Variants in ABCG2 observed in about 807,000 individuals in gnomAD.
ABCG2 encodes the protein broad substrate specificity ATP-binding cassette transporter ABCG2.
In ABCG2, 80 loss-of-function variants were observed where a neutral mutation model predicts 73.5. The observed-to-expected ratio is 1.09, with a 90% confidence interval of 0.91 to 1.31. The LOEUF (loss-of-function observed/expected upper bound fraction) is 1.31, where lower values mean the gene tolerates loss of function less well. ABCG2 is among the 50% of genes most tolerant of loss of function. The pLI, the probability that ABCG2 is intolerant of heterozygous loss-of-function variation, is 0.00. For synonymous variants in ABCG2, 269 were observed against 282.4 expected, an observed-to-expected ratio of 0.95 and a Z score of 0.48; for missense variants, 796 against 786.2, an observed-to-expected ratio of 1.01 and a Z score of -0.15.
rs568973129 is a variant in ABCG2, at chr4:88,136,858, T to C, written c.203+2935A>G. Among the ~76,000 whole-genome samples, 25 of 151,322 alleles carry C rather than the reference T, an allele frequency of 1.7e-4. No individual in the cohort carries two copies. In the East Asian group the frequency reaches 3.7e-3, roughly 23 times the overall value. ...TGATGAAACCCCGTCTTTACTAAGATACAAAAAATTAGCTGGGCATGGTGG... is the reference window on the plus strand; with the variant it reads ...TGATGAAACCCCGTCTTTACTAAGACACAAAAAATTAGCTGGGCATGGTGG... On this transcript the variant is annotated intron_variant, in intron 2 of 15. Transcript: ENST00000237612.
chr4:88,133,793 T>C (rs1725060813), intron 2 of ABCG2, among the ~76,000 whole-genome samples: 1 of 151,416 alleles, frequency 6.6e-6, no homozygotes, highest in Non-Finnish European at 1.5e-5. Flanking sequence ...AGGTCAGGAG[T>C]TCTAGACCAG....
chr4:88,112,116 T>A (rs866670529), intron 9 of ABCG2, among the ~76,000 whole-genome samples: 1 of 150,480 alleles, frequency 6.6e-6, no homozygotes, highest in Non-Finnish European at 1.5e-5. Context: ...AAGAAAAGAA[T>A]AACAAAAACC....
Position 88,158,635 on chromosome 4 carries a change from G to A in ABCG2, c.-269C>T. 2.2e-6 allele frequency: 1 copy of A among 456,272 alleles called. No individual in the cohort carries two copies. Among genetic ancestry groups the A allele is most frequent in the South Asian group, 1.5e-5 (1 of 64,564 alleles). 28.3% of individuals were successfully genotyped at this position (456,272 alleles called of 1,614,324 possible). A position where few individuals can be genotyped will look rare whatever the true frequency, so the allele number is the denominator to read the frequency against. On this transcript the variant is annotated 5_prime_UTR_variant, in exon 1 of 16. Transcript: ENST00000237612. ...CTCTCAATCTCAGTGGGAGTGGCGG[G>A]CACTGCCTCTTCCCTCCTGCGCGCC...
intron 12 of ABCG2, among the ~76,000 whole-genome samples, chr4:88,098,685 T>TAGATAGATAGAC (rs1273271669): frequency 3.9e-3 from 597 of 151,610 alleles, no homozygotes; most frequent in Non-Finnish European, 4.7e-3. Context: ...GATAGATAGA[T>TAGATAGATAGAC]AGACAGATAG....
At chr4:88,151,102 A>G (rs1560717408) in intron 1 of ABCG2, among the ~76,000 whole-genome samples, 1 of 152,224 alleles carries the variant, frequency 6.6e-6, no homozygotes, top group Non-Finnish European at 1.5e-5. Context: ...ATTTAAATAA[A>G]AGGAGTAGTG....
chr4:88,143,137 T>C (rs181533516), intron 1 of ABCG2, among the ~76,000 whole-genome samples: 8 of 152,318 alleles, frequency 5.3e-5, no homozygotes, highest in African/African-American at 1.9e-4. Flanking sequence ...GTGTACATTA[T>C]ATGCAAATAC....
At chr4:88,189,299 G>A (rs1399291833) in intron 1 of ABCG2, among the ~76,000 whole-genome samples, 1 of 152,048 alleles carries the variant, frequency 6.6e-6, no homozygotes, top group Non-Finnish European at 1.5e-5. Flanking sequence ...CAAGAAGGGA[G>A]GATCAAGAGC....
intron 1 of ABCG2, among the ~76,000 whole-genome samples, chr4:88,203,878 A>AT (rs33984901): frequency 2.7e-5 from 4 of 150,788 alleles, no homozygotes; most frequent in African/African-American, 4.9e-5. Context: ...GTGGCACAAT[A>AT]TTTTTTTTTT....
chr4:88,147,725 G>A (rs906050137), intron 1 of ABCG2, among the ~76,000 whole-genome samples: 1 of 152,156 alleles, frequency 6.6e-6, no homozygotes, highest in African/African-American at 2.4e-5. Flanking sequence ...CCATGTTAAG[G>A]AGTAGATTTT....
intron 1 of ABCG2, among the ~76,000 whole-genome samples, chr4:88,171,444 A>C (rs1375706366): frequency 6.6e-6 from 1 of 150,580 alleles, no homozygotes; most frequent in Non-Finnish European, 1.5e-5. Flanking sequence ...GAATTTACAG[A>C]AGCTGGTGAC....
intron 15 of ABCG2, among the ~76,000 whole-genome samples, chr4:88,094,132 T>C (rs1353632552): frequency 6.6e-6 from 1 of 152,214 alleles, no homozygotes; most frequent in Non-Finnish European, 1.5e-5. Flanking sequence ...GCCTATTTCA[T>C]TCTTACTACT....
At position 88,132,427 on chromosome 4, in the gene ABCG2, G is replaced by A. The variant is rs577595959; in HGVS notation, c.263+149C>T. The A allele has an allele frequency of 3.1e-5, 23 of 742,588 alleles. No homozygotes were observed. In the South Asian group the frequency reaches 3.5e-4, roughly 11 times the overall value. 46.0% of individuals were successfully genotyped at this position (742,588 alleles called of 1,614,324 possible). On this transcript the variant is annotated intron_variant, in intron 3 of 15. Coordinates refer to ENST00000237612, the MANE Select transcript of ABCG2 (RefSeq NM_004827.3). ...TACCTGGTCTTTGGGAAAAAACCAC[G>A]CAACTACAGTTATCCACAGCACCTA...
chr4:88,207,972 ACT>A (rs750044996), intron 1 of ABCG2, among the ~76,000 whole-genome samples: 5 of 152,016 alleles, frequency 3.3e-5, no homozygotes, highest in African/African-American at 4.8e-5. Context: ...TAAATTTAAG[ACT>A]CTGCTTTTTC....
intron 1 of ABCG2, among the ~76,000 whole-genome samples, chr4:88,197,649 T>G (rs932401747): frequency 1.2e-4 from 18 of 151,328 alleles, no homozygotes; most frequent in African/African-American, 3.4e-4. Context: ...TAAAAAAAAT[T>G]TTTAAATGAG....
chr4:88,121,758 C>G lies in ABCG2; in HGVS notation c.566G>C (p.Gly189Ala), dbSNP rs1401907284. 1.2e-6 allele frequency: 2 copies of G among 1,613,576 alleles called. No individual in the cohort carries two copies. The highest frequency in any genetic ancestry group is 2.7e-5 in the African/African-American group (2 of 74,910). Reference protein sequence around the residue: ...GTQFIRGVSGGERKRTSIGME... With the variant: ...GTQFIRGVSGAERKRTSIGME... ...TCCTATACTAGTCCTTTTTCTTTCT[C>G]CTCCAGACACACCACGGATAAACTG... The change falls in exon 6 of 16, where the codon GGA becomes GCA. Residue 189 changes from glycine (G) to alanine (A), a missense_variant. By Grantham distance (60) the Gly-to-Ala change is moderately conservative. Transcript: ENST00000237612.
At chr4:88,136,275 C>T (rs1433862860) in intron 2 of ABCG2, among the ~76,000 whole-genome samples, 1 of 152,054 alleles carries the variant, frequency 6.6e-6, no homozygotes, top group Non-Finnish European at 1.5e-5. Context: ...TACATATCTT[C>T]TCTAGGTCTC....
At chr4:88,120,791 G>A (rs1723914762) in intron 6 of ABCG2, among the ~76,000 whole-genome samples, 3 of 152,224 alleles carry the variant, frequency 2.0e-5, no homozygotes, top group Admixed American at 1.3e-4. Context: ...TTGAGTTAAT[G>A]ATGAAATGAG....
chr4:88,181,398 C>CAAAAAAAAAAAAAAAAAAAAAAAAAAAA (rs57417105), intron 1 of ABCG2, among the ~76,000 whole-genome samples: 6 of 96,882 alleles, frequency 6.2e-5, no homozygotes, highest in Non-Finnish European at 9.8e-5. Flanking sequence ...GACTCCATCT[C>CAAAAAAAAAAAAAAAAAAAAAAAAAAAA]AAAAAAAAAA....
chr4:88,196,058 A>G (rs975293998), intron 1 of ABCG2, among the ~76,000 whole-genome samples: 1 of 151,976 alleles, frequency 6.6e-6, no homozygotes, highest in Non-Finnish European at 1.5e-5. Context: ...GCTGCAACCA[A>G]TTACTATTTT....
Sources: gnomAD v4.1 joint callset for allele counts (sites outside exome capture counted in the v4.1 genomes callset) on GRCh38, gnomAD v4.1.1 for gene constraint, MANE v1.5 for transcripts, NCBI Gene and HGNC (gene_info 2026-07-23, HGNC 2026-07-21) for gene names.